Variants in EFHD1 observed in about 807,000 individuals in gnomAD.
EFHD1 encodes the protein EF-hand domain family member D1.
Under a neutral mutation model 17.2 loss-of-function variants are expected in EFHD1, and 10 were observed. The ratio of observed to expected loss-of-function variants is 0.58; its 90% CI spans 0.36 to 0.99. The LOEUF (loss-of-function observed/expected upper bound fraction) is 0.99, where lower values mean the gene tolerates loss of function less well. Among genes scored for constraint, EFHD1 ranks in the 50% least tolerant of loss-of-function variants. EFHD1 has a pLI of 0.01. For synonymous variants in EFHD1, 153 were observed against 142.0 expected (o/e 1.08, Z -0.55); for missense variants, 310 against 327.5 (o/e 0.95, Z 0.41).
Position 232,654,416 on chromosome 2 carries a change from C to CTTTTTT in EFHD1, c.303-8369_303-8364dup, listed in dbSNP as rs539954632. On this transcript the variant is annotated intron_variant, in intron 1 of 3. Coordinates refer to ENST00000264059, the MANE Select transcript of EFHD1 (RefSeq NM_025202.4). ...AGGATGACTTTTCTTTTCTTTCTTTCTTTTTTTTTTTTTTTTTTTTTTGAG... is the reference window on the plus strand; with the variant it reads ...AGGATGACTTTTCTTTTCTTTCTTTCTTTTTTTTTTTTTTTTTTTTTTTTTTTTGAG... 9.4e-3 allele frequency among the ~76,000 whole-genome samples: 886 copies of CTTTTTT among 94,552 alleles called. 3 individuals carry two copies. The highest frequency in any genetic ancestry group is 0.034 in the Middle Eastern group (3 of 88). The allele number at this position is 94,552 out of a possible 152,430, so 62.0% of individuals were successfully genotyped here. A position where few individuals can be genotyped will look rare whatever the true frequency, so the allele number is the denominator to read the frequency against.
intron 1 of EFHD1, among the ~76,000 whole-genome samples, chr2:232,615,534 C>A (rs909871740): frequency 1.1e-4 from 17 of 152,014 alleles, no homozygotes; most frequent in Admixed American, 6.6e-5. Context: ...TACTGTCAGG[C>A]ACAGAGGGGT....
chr2:232,627,393 A>G (rs1318973576), intron 1 of EFHD1, among the ~76,000 whole-genome samples: 2 of 152,178 alleles, frequency 1.3e-5, no homozygotes, highest in Admixed American at 1.3e-4. Flanking sequence ...CAGAGTACGT[A>G]AAGTTTGTTC....
intron 1 of EFHD1, among the ~76,000 whole-genome samples, chr2:232,622,672 G>A (rs756332463): frequency 5.0e-4 from 76 of 152,212 alleles, no homozygotes; most frequent in African/African-American, 1.7e-3. Flanking sequence ...GATCAGAGCC[G>A]CTCGGTGGTG....
intron 1 of EFHD1, among the ~76,000 whole-genome samples, chr2:232,624,663 AG>A (rs751098126): frequency 3.9e-5 from 6 of 152,264 alleles, no homozygotes; most frequent in East Asian, 1.9e-4. Flanking sequence ...AATCACTTTA[AG>A]GGTTTCCCAA....
intron 1 of EFHD1, among the ~76,000 whole-genome samples, chr2:232,639,816 G>A (rs567595687): frequency 1.3e-5 from 2 of 152,250 alleles, no homozygotes; most frequent in South Asian, 2.1e-4. Context: ...GTTGGCACAC[G>A]TTTGTCTTTA....
chr2:232,668,707 C>T (rs1218807648), intron 2 of EFHD1, among the ~76,000 whole-genome samples: 1 of 152,274 alleles, frequency 6.6e-6, no homozygotes, highest in South Asian at 2.1e-4. Context: ...GATCTCGGCT[C>T]ACTGCAACCT....
intron 1 of EFHD1, among the ~76,000 whole-genome samples, chr2:232,635,979 A>G (rs1331123948): frequency 2.0e-5 from 3 of 152,150 alleles, no homozygotes; most frequent in Non-Finnish European, 4.4e-5. Flanking sequence ...GGCTGAGGAA[A>G]CCAAAAAGCC....
At chr2:232,665,153 C>G (rs1458905798) in intron 2 of EFHD1, among the ~76,000 whole-genome samples, 1 of 152,166 alleles carries the variant, frequency 6.6e-6, no homozygotes, top group African/African-American at 2.4e-5. Context: ...CAAGAATGGA[C>G]TTGGTCTTTG....
chr2:232,671,017 T>C (rs1484906896), intron 2 of EFHD1, among the ~76,000 whole-genome samples: 2 of 152,260 alleles, frequency 1.3e-5, no homozygotes, highest in South Asian at 4.1e-4. Context: ...AGGATGCTGC[T>C]AATTTTTTAC....
intron 2 of EFHD1, among the ~76,000 whole-genome samples, chr2:232,667,230 G>A (rs1026473458): frequency 3.9e-5 from 6 of 152,234 alleles, no homozygotes; most frequent in Middle Eastern, 3.4e-3. Flanking sequence ...TGGGCCGCCC[G>A]CCTGCCTGGT....
intron 1 of EFHD1, among the ~76,000 whole-genome samples, chr2:232,610,501 G>C (rs1312281424): frequency 6.6e-6 from 1 of 152,168 alleles, no homozygotes; most frequent in South Asian, 2.1e-4. Flanking sequence ...CTTGAACCCA[G>C]GAGGCGGAGC....
chr2:232,614,865 A>G (rs1014648190), intron 1 of EFHD1, among the ~76,000 whole-genome samples: 2 of 152,070 alleles, frequency 1.3e-5, no homozygotes, highest in African/African-American at 4.8e-5. Context: ...AGTCCCAGCT[A>G]CTCGAGAGGC....
chr2:232,670,854 C>A (rs1695052860), intron 2 of EFHD1, among the ~76,000 whole-genome samples: 1 of 152,118 alleles, frequency 6.6e-6, no homozygotes, highest in East Asian at 1.9e-4. Context: ...CTATGAAGAT[C>A]TTTAGCAAAT....
Position 232,624,121 on chromosome 2 carries a change from T to C in EFHD1, c.14+17948T>C, listed in dbSNP as rs12468277. ...CCTCCCTGCAGCCGTTTAGGACTCA[T>C]AGGTTTTTTGCTGCTCCTGTCGGGT... On this transcript the variant is annotated intron_variant, in intron 1 of 3. Transcript: ENST00000409613. Among the ~76,000 whole-genome samples the C allele has an allele frequency of 5.5e-3, 845 of 152,268 alleles. 21 individuals are homozygous for C. In the East Asian group the frequency reaches 0.1, roughly 18 times the overall value.
chr2:232,620,140 G>C (rs373620735), intron 1 of EFHD1, among the ~76,000 whole-genome samples: 1 of 151,250 alleles, frequency 6.6e-6, no homozygotes, highest in Non-Finnish European at 1.5e-5. Context: ...TGTAATCCTA[G>C]CACTTCGGGA....
intron 3 of EFHD1, among the ~76,000 whole-genome samples, chr2:232,679,406 T>TA (rs1330024001): frequency 6.6e-6 from 1 of 151,796 alleles, no homozygotes; most frequent in Non-Finnish European, 1.5e-5. Context: ...CTTTTTTTTT[T>TA]ACCTTATGTA....
At chr2:232,662,029 T>G (rs887763903) in intron 1 of EFHD1, 1 of 152,640 alleles carries the variant, frequency 6.6e-6, no homozygotes, top group Non-Finnish European at 1.5e-5. Flanking sequence ...CCAGGGGGTC[T>G]GTGGAGAAAT....
intron 1 of EFHD1, among the ~76,000 whole-genome samples, chr2:232,613,601 ACC>A (rs1491181200): frequency 1.3e-5 from 1 of 75,628 alleles, no homozygotes; most frequent in Non-Finnish European, 2.7e-5. Flanking sequence ...ACAAAGAGGA[ACC>A]ACACACACAC....
chr2:232,646,654 A>G (rs1319285620), intron 1 of EFHD1, among the ~76,000 whole-genome samples: 1 of 152,040 alleles, frequency 6.6e-6, no homozygotes, highest in Non-Finnish European at 1.5e-5. Flanking sequence ...CATGTTGGCC[A>G]GGCTGGTCTT....
Sources: allele counts gnomAD v4.1 joint callset (sites outside exome capture counted in the v4.1 genomes callset), GRCh38; gene constraint gnomAD v4.1.1; transcripts MANE v1.5; gene names NCBI Gene and HGNC (gene_info 2026-07-23, HGNC 2026-07-21).